IRAK3: variants seen among roughly 807,000 people sequenced by gnomAD.
The protein encoded by IRAK3 is interleukin 1 receptor associated kinase 3, also known as interleukin-1 receptor-associated kinase 3.
In IRAK3, 57 loss-of-function variants were observed where a neutral mutation model predicts 56.6. The ratio of observed to expected loss-of-function variants is 1.01; its 90% CI spans 0.81 to 1.26. The LOEUF is 1.26. Ranked by LOEUF, IRAK3 falls within the 50% of genes most tolerant of loss-of-function variation. IRAK3 has a pLI of 0.00. For synonymous variants in IRAK3, 258 were observed against 255.7 expected, an observed-to-expected ratio of 1.01 and a Z score of -0.09; for missense variants, 703 against 719.0, an observed-to-expected ratio of 0.98 and a Z score of 0.25.
intron 1 of IRAK3, among the ~76,000 whole-genome samples, chr12:66,191,438 A>G (rs78793969): frequency 0.018 from 2,812 of 152,266 alleles, 30 homozygotes; most frequent in African/African-American, 0.042. Flanking sequence ...GTTGATGTAC[A>G]TTGCCTGCAG....
intron 8 of IRAK3, among the ~76,000 whole-genome samples, chr12:66,236,344 T>G (rs1415615324): frequency 6.8e-6 from 1 of 146,598 alleles, no homozygotes; most frequent in Non-Finnish European, 1.5e-5. Context: ...AGGTCAGGAG[T>G]TTGAGACCAG....
intron 8 of IRAK3, among the ~76,000 whole-genome samples, chr12:66,232,522 G>A (rs1404713373): frequency 1.3e-5 from 2 of 152,106 alleles, no homozygotes; most frequent in Non-Finnish European, 2.9e-5. Context: ...AGTTCATTTG[G>A]GCCACTGAAC....
chr12:66,235,272 T>G (rs1315693544), intron 8 of IRAK3: 1 of 1,543,916 alleles, frequency 6.5e-7, no homozygotes, highest in Non-Finnish European at 8.7e-7. Flanking sequence ...TTGCCGCTGC[T>G]GCTGGGGAAG....
intron 1 of IRAK3, among the ~76,000 whole-genome samples, chr12:66,199,474 G>A (rs954988135): frequency 1.3e-5 from 2 of 152,178 alleles, no homozygotes; most frequent in African/African-American, 4.8e-5. Context: ...TGAAACTGTA[G>A]TGATTATTTT....
intron 1 of IRAK3, among the ~76,000 whole-genome samples, chr12:66,201,353 G>A (rs905401592): frequency 6.6e-6 from 1 of 152,102 alleles, no homozygotes; most frequent in African/African-American, 2.4e-5. Context: ...GTGTGTCAGG[G>A]GTCCCCCGTG....
Position 66,203,712 on chromosome 12 carries a change from AGAGAG to A in IRAK3, c.136_140del (p.Glu46ThrfsTer12). On this transcript the variant is annotated frameshift_variant and splice_region_variant, in exon 2 of 12. Coordinates refer to ENST00000261233, the MANE Select transcript of IRAK3 (RefSeq NM_007199.3). LOFTEE classifies it high-confidence loss of function. ...TTGTTTATATTGCAATTTCCACAGC[AGAGAG>A]ACTTTCAAGCAGCTGGCTGGATGTT... The A allele has an allele frequency of 6.2e-7, 1 of 1,614,012 alleles. No homozygotes were observed. The highest frequency in any genetic ancestry group is 1.7e-4 in the Middle Eastern group (1 of 6,058).
Position 66,217,148 on chromosome 12 carries a change from T to C in IRAK3, c.589-23T>C, listed in dbSNP as rs201301376. The C allele has an allele frequency of 2.8e-4, 431 of 1,531,668 alleles. 1 individual carries two copies. Among genetic ancestry groups the C allele is most frequent in the Middle Eastern group, 3.4e-4 (2 of 5,896 alleles). The allele number at this position is 1,531,668 out of a possible 1,614,324, so 94.9% of individuals were successfully genotyped here. Reference sequence around the variant, plus strand: ...GAAACAGATCCTTTCCTTAATTTTGTTCTTGTCTTTCTGTATATGTAGGAG... The same window carrying C: ...GAAACAGATCCTTTCCTTAATTTTGCTCTTGTCTTTCTGTATATGTAGGAG... On this transcript the variant is annotated intron_variant, in intron 5 of 11. Coordinates refer to ENST00000261233, the MANE Select transcript of IRAK3 (RefSeq NM_007199.3).
intron 2 of IRAK3, among the ~76,000 whole-genome samples, chr12:66,205,399 A>T (rs2052549262): frequency 6.6e-6 from 1 of 152,204 alleles, no homozygotes; most frequent in Non-Finnish European, 1.5e-5. Flanking sequence ...ATCTGAAGTG[A>T]AGAGGAGGAT....
intron 6 of IRAK3, among the ~76,000 whole-genome samples, chr12:66,224,380 A>C (rs933940945): frequency 2.0e-5 from 3 of 152,202 alleles, no homozygotes; most frequent in African/African-American, 7.2e-5. Flanking sequence ...GTAAACAGAC[A>C]ATTTCAATAA....
chr12:66,197,591 G>A (rs184237609), intron 1 of IRAK3: 1,043 of 985,422 alleles, frequency 1.1e-3, no homozygotes, highest in Middle Eastern at 1.0e-3. Context: ...TTTCCAGTCC[G>A]GAAGCAATCC....
chr12:66,195,695 T>A (rs946170857), intron 1 of IRAK3, among the ~76,000 whole-genome samples: 1 of 152,246 alleles, frequency 6.6e-6, no homozygotes, highest in Non-Finnish European at 1.5e-5. Flanking sequence ...GTTTCGCTTT[T>A]GTTGCACAGC....
intron 1 of IRAK3, among the ~76,000 whole-genome samples, chr12:66,200,942 C>T (rs2052501523): frequency 6.6e-6 from 1 of 152,092 alleles, no homozygotes; most frequent in Admixed American, 6.6e-5. Flanking sequence ...TCCTGAGTAG[C>T]TGGGACTACA....
chr12:66,196,828 T>G, intron 1 of IRAK3: 1 of 1,441,642 alleles, frequency 6.9e-7, no homozygotes, highest in Non-Finnish European at 9.1e-7. Flanking sequence ...ATTGTCTAAT[T>G]TTTTGCATGC....
chr12:66,217,329 G>A (rs1045223589), intron 6 of IRAK3, 94 bp downstream of exon 6: 2 of 943,298 alleles, frequency 2.1e-6, no homozygotes, highest in Non-Finnish European at 3.5e-6. Context: ...GGCGTGACAT[G>A]TAATAAATTT....
intron 8 of IRAK3, among the ~76,000 whole-genome samples, chr12:66,240,612 A>C (rs2136949760): frequency 6.6e-6 from 1 of 152,036 alleles, no homozygotes; most frequent in South Asian, 2.1e-4. Context: ...TCAGTGTTGC[A>C]ACAGCCGTAA....
chr12:66,242,418 C>T (rs1024589086), intron 8 of IRAK3, among the ~76,000 whole-genome samples: 8 of 152,168 alleles, frequency 5.3e-5, no homozygotes, highest in Non-Finnish European at 1.0e-4. Context: ...GGAGAGAAGT[C>T]GGATCTGACT....
rs940524524 is a variant in IRAK3, at chr12:66,227,342, C to T, written c.768+505C>T. ...GCGCAGTGGCTCACGCCTGTAATCCCAGCACTTTGGGAGGGCGAGTTGGGC... is the reference window on the plus strand; with the variant it reads ...GCGCAGTGGCTCACGCCTGTAATCCTAGCACTTTGGGAGGGCGAGTTGGGC... On this transcript the variant is annotated intron_variant, in intron 7 of 11. Coordinates refer to ENST00000261233, the MANE Select transcript of IRAK3 (RefSeq NM_007199.3). 2.6e-5 allele frequency among the ~76,000 whole-genome samples: 4 copies of T among 152,126 alleles called. 1 individual carries two copies. Among genetic ancestry groups the T allele is most frequent in the Non-Finnish European group, 4.4e-5 (3 of 68,036 alleles).
chr12:66,234,408 C>T, intron 8 of IRAK3: 1 of 1,610,882 alleles, frequency 6.2e-7, no homozygotes, highest in Non-Finnish European at 8.5e-7. Flanking sequence ...TAGGCAGATA[C>T]AGGAGATACA....
Position 66,253,975 on chromosome 12 carries a change from T to G in IRAK3, c.*5804T>G, listed in dbSNP as rs1034255208. ...ATTAAAAGTGTCCTCTATTTGAACA[T>G]GAAAACAGCTAATAAAGATGTGTTA... On this transcript the variant is annotated 3_prime_UTR_variant, in exon 12 of 12. Coordinates refer to ENST00000261233, the MANE Select transcript of IRAK3 (RefSeq NM_007199.3). The G allele has an allele frequency of 2.0e-5, 3 of 152,198 alleles. No homozygotes were observed. The highest frequency in any genetic ancestry group is 4.4e-5 in the Non-Finnish European group (3 of 68,016). 9.4% of individuals were successfully genotyped at this position (152,198 alleles called of 1,614,324 possible). A position where few individuals can be genotyped will look rare whatever the true frequency, so the allele number is the denominator to read the frequency against.
Sources: allele counts gnomAD v4.1 joint callset (sites outside exome capture counted in the v4.1 genomes callset), GRCh38; gene constraint gnomAD v4.1.1; transcripts MANE v1.5; gene names NCBI Gene and HGNC (gene_info 2026-07-23, HGNC 2026-07-21).